Variants in MRPS9 observed in about 807,000 individuals in gnomAD.
MRPS9 encodes small ribosomal subunit protein uS9m.
Under a neutral mutation model 59.9 loss-of-function variants are expected in MRPS9, and 45 were observed. The observed-to-expected ratio is 0.75, with a 90% confidence interval of 0.59 to 0.96. The LOEUF is 0.96. MRPS9 is among the 40% of genes least tolerant of loss of function. MRPS9 has a pLI of 0.00. For missense variants in MRPS9, 473 were observed against 481.1 expected, an observed-to-expected ratio of 0.98 and a Z score of 0.16; for synonymous variants, 171 against 166.8, an observed-to-expected ratio of 1.03 and a Z score of -0.19.
Position 105,079,968 on chromosome 2 carries a change from G to C in MRPS9, c.410-15G>C, listed in dbSNP as rs1461067667. ...GTATATTTTTATTTGCTTTCATCTG[G>C]CTTTTTTAAATCAGCAATCCAGTGG... On this transcript the variant is annotated splice_polypyrimidine_tract_variant and intron_variant, in intron 4 of 10. Coordinates refer to ENST00000258455, the MANE Select transcript of MRPS9 (RefSeq NM_182640.3). 2.5e-6 allele frequency: 4 copies of C among 1,602,324 alleles called. No individual in the cohort carries two copies. Among genetic ancestry groups the C allele is most frequent in the Non-Finnish European group, 3.4e-6 (4 of 1,172,976 alleles).
rs370422797 is a variant in MRPS9 at position 105,090,028 on chromosome 2, C to T, written c.651+33C>T. 20 of 1,275,958 alleles carry T rather than the reference C, an allele frequency of 1.6e-5. No individual in the cohort carries two copies. In the African/African-American group the frequency reaches 2.5e-4, roughly 16 times the overall value. 79.0% of individuals were successfully genotyped at this position (1,275,958 alleles called of 1,614,324 possible). A position where few individuals can be genotyped will look rare whatever the true frequency, so the allele number is the denominator to read the frequency against. ...ATTAATCTTTTTAATTTAAGGGGAC[C>T]TATGCAATAAGAATACAGACAATTG... On this transcript the variant is annotated intron_variant, in intron 7 of 10. Coordinates refer to ENST00000258455, the MANE Select transcript of MRPS9 (RefSeq NM_182640.3).
chr2:105,059,857 A>C (rs1457382775), intron 2 of MRPS9, among the ~76,000 whole-genome samples: 1 of 152,072 alleles, frequency 6.6e-6, no homozygotes, highest in East Asian at 1.9e-4. Context: ...ATGAACACTG[A>C]CAGTGAACAG....
chr2:105,070,105 G>A (rs745651370), intron 2 of MRPS9, among the ~76,000 whole-genome samples: 12 of 152,160 alleles, frequency 7.9e-5, no homozygotes, highest in Non-Finnish European at 5.9e-5. Context: ...TTGCTAAAGG[G>A]GCACACTGAT....
chr2:105,096,296 A>T (rs552317192), intron 9 of MRPS9, among the ~76,000 whole-genome samples: 115 of 152,326 alleles, frequency 7.5e-4, no homozygotes, highest in African/African-American at 2.7e-3. Flanking sequence ...AAGCTACAGC[A>T]TCAAAGAAAG....
At chr2:105,053,269 A>G (rs924020785) in intron 2 of MRPS9, among the ~76,000 whole-genome samples, 7 of 152,204 alleles carry the variant, frequency 4.6e-5, no homozygotes, top group African/African-American at 1.7e-4. Context: ...TATTATTTTC[A>G]TGAGGACTTA....
chr2:105,082,193 T>G (rs1476832577), intron 5 of MRPS9, among the ~76,000 whole-genome samples: 1 of 152,196 alleles, frequency 6.6e-6, no homozygotes, highest in Non-Finnish European at 1.5e-5. Context: ...GTGGCAAGCT[T>G]TAAAGAGTTG....
intron 1 of MRPS9, among the ~76,000 whole-genome samples, chr2:105,039,798 C>G (rs1345852691): frequency 1.3e-5 from 2 of 152,174 alleles, no homozygotes; most frequent in Non-Finnish European, 2.9e-5. Context: ...AACATCTGGT[C>G]TAGTTCTTAA....
intron 4 of MRPS9, among the ~76,000 whole-genome samples, chr2:105,075,501 G>A (rs1680191890): frequency 6.6e-6 from 1 of 152,224 alleles, no homozygotes; most frequent in Non-Finnish European, 1.5e-5. Context: ...TACCTTGAAG[G>A]AGGATGTAAC....
chr2:105,048,951 C>G (rs1048056975), intron 1 of MRPS9, among the ~76,000 whole-genome samples: 7 of 151,620 alleles, frequency 4.6e-5, no homozygotes, highest in African/African-American at 9.7e-5. Context: ...TATTGAAATG[C>G]TAGTAGCTTA....
intron 1 of MRPS9, among the ~76,000 whole-genome samples, chr2:105,039,314 TTTG>T (rs1166348375): frequency 7.7e-6 from 1 of 129,144 alleles, no homozygotes; most frequent in African/African-American, 2.8e-5. Flanking sequence ...CATGTGGACA[TTTG>T]TTTTTTTTTT....
chr2:105,053,092 G>T (rs73945011), intron 2 of MRPS9, among the ~76,000 whole-genome samples: 31,512 of 152,098 alleles, frequency 0.21, 3,343 homozygotes, highest in Middle Eastern at 0.35. Flanking sequence ...GGATGTACAT[G>T]GGGCATATGT....
chr2:105,047,711 C>T (rs965776401), intron 1 of MRPS9, among the ~76,000 whole-genome samples: 8 of 152,130 alleles, frequency 5.3e-5, no homozygotes, highest in Middle Eastern at 3.4e-3. Flanking sequence ...TTTCCAGCTA[C>T]GGGATGCAGC....
chr2:105,049,291 A>C lies in MRPS9; in HGVS notation c.256A>C (p.Arg86=). 6.2e-7 allele frequency: 1 copy of C among 1,613,338 alleles called. No homozygotes were observed. Among genetic ancestry groups the C allele is most frequent in the Non-Finnish European group, 8.5e-7 (1 of 1,179,766 alleles). The stretch of plus-strand genomic sequence containing the variant: ...GATTGAAGAGTTCAACATAGGAAAG[A>C]GACATTTAGCCAACATGATGGGAGA... ...KQIEEFNIGK[R]HLANMMGEDP... is the part of the protein sequence containing the mutation. Residue 86 remains arginine, a synonymous_variant, in exon 2 of 11, where the codon AGA becomes CGA. Coordinates refer to ENST00000258455, the MANE Select transcript of MRPS9 (RefSeq NM_182640.3).
At chr2:105,077,827 G>T (rs1330696500) in intron 4 of MRPS9, among the ~76,000 whole-genome samples, 1 of 152,184 alleles carries the variant, frequency 6.6e-6, no homozygotes, top group Non-Finnish European at 1.5e-5. Context: ...AATCTGAACA[G>T]TTGGAAAAAT....
intron 10 of MRPS9, chr2:105,099,336 A>G (rs1378979135): frequency 1.6e-5 from 3 of 185,624 alleles, no homozygotes; most frequent in African/African-American, 7.0e-5. Context: ...GTTCCCTTAC[A>G]GTGAATAGTG....
chr2:105,065,607 T>C (rs772116753), intron 2 of MRPS9, among the ~76,000 whole-genome samples: 1 of 152,212 alleles, frequency 6.6e-6, no homozygotes, highest in Non-Finnish European at 1.5e-5. Flanking sequence ...CTTATGGTTA[T>C]AATAAGACAC....
chr2:105,092,609 G>A lies in MRPS9; in HGVS notation c.820+40G>A, dbSNP rs140439281. The A allele has an allele frequency of 2.8e-4, 396 of 1,416,492 alleles. 2 individuals carry two copies. In the African/African-American group the frequency reaches 4.8e-3, roughly 17 times the overall value. 87.7% of individuals were successfully genotyped at this position (1,416,492 alleles called of 1,614,324 possible). A position where few individuals can be genotyped will look rare whatever the true frequency, so the allele number is the denominator to read the frequency against. ...TGGAGAGAAAATAAATTCAGTGAAGGTTGAAAAACTACAATTATTTTTATT... is the reference window on the plus strand; with the variant it reads ...TGGAGAGAAAATAAATTCAGTGAAGATTGAAAAACTACAATTATTTTTATT... On this transcript the variant is annotated intron_variant, in intron 8 of 10. Coordinates refer to ENST00000258455, the MANE Select transcript of MRPS9 (RefSeq NM_182640.3).
intron 1 of MRPS9, among the ~76,000 whole-genome samples, chr2:105,048,598 T>A (rs1377281527): frequency 6.6e-6 from 1 of 152,036 alleles, no homozygotes; most frequent in Non-Finnish European, 1.5e-5. Flanking sequence ...CAATGTTCAG[T>A]CAAGCAATTT....
At chr2:105,095,882 G>A (rs1680650912) in intron 9 of MRPS9, among the ~76,000 whole-genome samples, 1 of 150,832 alleles carries the variant, frequency 6.6e-6, no homozygotes, top group South Asian at 2.1e-4. Flanking sequence ...TCTGGACCCA[G>A]ACTGGACTCA....
Sources: allele counts gnomAD v4.1 joint callset (sites outside exome capture counted in the v4.1 genomes callset), GRCh38; gene constraint gnomAD v4.1.1; transcripts MANE v1.5; gene names NCBI Gene and HGNC (gene_info 2026-07-23, HGNC 2026-07-21).